Variants in KRAS observed in about 807,000 individuals in gnomAD.
KRAS encodes GTPase KRas.
KRAS carries 1 observed loss-of-function variant against 21.0 expected under a neutral mutation model. The ratio of observed to expected loss-of-function variants is 0.05; its 90% confidence interval spans 0.02 to 0.23. The LOEUF is 0.23. Among genes scored for constraint, KRAS ranks in the 10% least tolerant of loss-of-function variants. KRAS has a pLI of 1.00. For missense variants in KRAS, 107 were observed against 221.8 expected, an observed-to-expected ratio of 0.48 and a Z score of 3.29; for synonymous variants, 67 against 72.5, an observed-to-expected ratio of 0.92 and a Z score of 0.39.
intron 2 of KRAS, among the ~76,000 whole-genome samples, chr12:25,233,269 C>A (rs910311653): frequency 4.6e-5 from 7 of 152,018 alleles, no homozygotes; most frequent in African/African-American, 1.7e-4. Context: ...TAGGTTAGGG[C>A]TAGGCACCAT....
Position 25,245,353 on chromosome 12 carries a change from G to T in KRAS, c.32C>A (p.Ala11Asp). Residue 11 changes from alanine (A) to aspartate (D), a missense_variant, in exon 2 of 5, where the codon GCT becomes GAT. Physicochemically the swap from Ala to Asp is moderately radical, Grantham distance 126 (BLOSUM62 -2). Transcript: ENST00000311936. MTEYKLVVVG[A>D]GGVGKSALTI... ...CAAGGCACTCTTGCCTACGCCACCAGCTCCAACTACCACAAGTTTATATTC... is the reference window on the plus strand; with the variant it reads ...CAAGGCACTCTTGCCTACGCCACCATCTCCAACTACCACAAGTTTATATTC... 6.2e-7 allele frequency: 1 copy of T among 1,612,736 alleles called. No homozygotes were observed. The highest frequency in any genetic ancestry group is 8.5e-7 in the Non-Finnish European group (1 of 1,179,238).
Position 25,217,901 on chromosome 12 carries a change from A to AT in KRAS, c.450+7712dup, listed in dbSNP as rs781130653. ...AGAGCAAGACCCTGTCTCTAAAAAA[A>AT]TTTTTTTAATCGTTTTAAAGTTTAT... On this transcript the variant is annotated intron_variant, in intron 4 of 4. Transcript: ENST00000311936. 1.6e-4 allele frequency among the ~76,000 whole-genome samples: 24 copies of AT among 152,244 alleles called. 1 individual carries two copies. The highest frequency in any genetic ancestry group is 4.8e-4 in the African/African-American group (20 of 41,552).
chr12:25,220,041 G>A (rs1000088508), intron 4 of KRAS, among the ~76,000 whole-genome samples: 3 of 152,160 alleles, frequency 2.0e-5, no homozygotes, highest in Non-Finnish European at 4.4e-5. Flanking sequence ...CAGAAAAGCC[G>A]AATGAGGAGT....
chr12:25,208,986 T>TA lies in KRAS; in HGVS notation c.*808dup, dbSNP rs1314008705. ...TCCTATGAGAATTTTTTATACTTGT[T>TA]AAAATCTTTTCAATTATTATAAAAA... On this transcript the variant is annotated 3_prime_UTR_variant, in exon 5 of 5. Transcript: ENST00000311936. 2 of 340,712 alleles carry TA rather than the reference T, an allele frequency of 5.9e-6. No homozygotes were observed. Among genetic ancestry groups the TA allele is most frequent in the Non-Finnish European group, 1.0e-5 (2 of 190,774 alleles). The allele number at this position is 340,712 out of a possible 1,614,324, so 21.1% of individuals were successfully genotyped here. A position where few individuals can be genotyped will look rare whatever the true frequency, so the allele number is the denominator to read the frequency against.
intron 2 of KRAS, among the ~76,000 whole-genome samples, chr12:25,229,104 T>C (rs990398241): frequency 1.3e-5 from 2 of 152,196 alleles, no homozygotes; most frequent in African/African-American, 4.8e-5. Flanking sequence ...CATGGTAAAC[T>C]TTATGTTATG....
rs1325421577 is a variant in KRAS, at chr12:25,209,816, C to T, written c.546G>A (p.Lys182=). ...KDGKKKKKKS[K]TKCVIM is the part of the protein sequence containing the mutation. ...GTATTTACATAATTACACACTTTGT[C>T]TTTGACTTCTTTTTCTTCTTTTTAC... Residue 182 remains lysine (K), a synonymous_variant, in exon 5 of 5, where the codon AAG becomes AAA. Coordinates refer to ENST00000311936, the MANE Select transcript of KRAS (RefSeq NM_004985.5). 1 of 1,609,414 alleles carries T rather than the reference C, an allele frequency of 6.2e-7. No individual in the cohort carries two copies. Among genetic ancestry groups the T allele is most frequent in the Non-Finnish European group, 8.5e-7 (1 of 1,176,576 alleles).
chr12:25,232,308 A>C (rs1951484470), intron 2 of KRAS, among the ~76,000 whole-genome samples: 1 of 152,240 alleles, frequency 6.6e-6, no homozygotes. Flanking sequence ...TGTTTAAAAA[A>C]ACAAAAACAA....
chr12:25,207,356 A>G lies in KRAS; in HGVS notation c.*2439T>C, dbSNP rs1192904045. 1 of 188,028 alleles carries G rather than the reference A, an allele frequency of 5.3e-6. No individual in the cohort carries two copies. Among genetic ancestry groups the G allele is most frequent in the Non-Finnish European group, 1.1e-5 (1 of 89,400 alleles). 11.6% of individuals were successfully genotyped at this position (188,028 alleles called of 1,614,324 possible). A position where few individuals can be genotyped will look rare whatever the true frequency, so the allele number is the denominator to read the frequency against. On this transcript the variant is annotated 3_prime_UTR_variant, in exon 5 of 5. Coordinates refer to ENST00000311936, the MANE Select transcript of KRAS (RefSeq NM_004985.5). ...GGGTGAAACCCCGTCTCTCCTAAAA[A>G]TACAAAAATTAGTTGAGTGTAGTGG...
chr12:25,215,368 G>T lies in KRAS; in HGVS notation c.451-5457C>A, dbSNP rs778940610. The T allele has an allele frequency of 1.5e-5, 24 of 1,603,034 alleles. No individual in the cohort carries two copies. In the African/African-American group the frequency reaches 2.3e-4, roughly 15 times the overall value. Reference sequence around the variant, plus strand: ...ACTACACCTAAGTAGTTCTAAAGTGGTTGCCACCTTGTTACCTTTAAAAGA... The same window carrying T: ...ACTACACCTAAGTAGTTCTAAAGTGTTTGCCACCTTGTTACCTTTAAAAGA... On this transcript the variant is annotated intron_variant, in intron 4 of 4. Coordinates refer to ENST00000311936, the MANE Select transcript of KRAS (RefSeq NM_004985.5).
At chr12:25,250,545 C>T (rs1951753806) in intron 1 of KRAS, among the ~76,000 whole-genome samples, 2 of 152,140 alleles carry the variant, frequency 1.3e-5, no homozygotes, top group Non-Finnish European at 1.5e-5. Context: ...CCCCGCACCG[C>T]CCATTCCTCA....
chr12:25,225,588 T>G (rs1045900093), intron 4 of KRAS, 26 bp downstream of exon 4: 1 of 1,607,886 alleles, frequency 6.2e-7, no homozygotes, highest in African/African-American at 1.3e-5. Flanking sequence ...AGAAAACAGA[T>G]CTGTATTTAT....
intron 4 of KRAS, chr12:25,215,339 G>GAAT (rs1326806922): frequency 7.3e-6 from 11 of 1,514,752 alleles, no homozygotes; most frequent in Non-Finnish European, 9.9e-6. Flanking sequence ...CTTCAAGTTA[G>GAAT]AATACTACAC....
chr12:25,244,901 A>G (rs1254505891), intron 2 of KRAS, among the ~76,000 whole-genome samples: 1 of 152,222 alleles, frequency 6.6e-6, no homozygotes, highest in Non-Finnish European at 1.5e-5. Context: ...ATATTTCACT[A>G]GTACAATTAA....
chr12:25,215,840 G>A (rs78580012), intron 4 of KRAS, among the ~76,000 whole-genome samples: 1,811 of 152,220 alleles, frequency 0.012, 82 homozygotes, highest in East Asian at 0.08. Context: ...ACAGGTATTA[G>A]CATCTGTTTG....
At chr12:25,231,699 CATAA>C (rs980545656) in intron 2 of KRAS, among the ~76,000 whole-genome samples, 1 of 152,092 alleles carries the variant, frequency 6.6e-6, no homozygotes, top group African/African-American at 2.4e-5. Flanking sequence ...ATAACCTACT[CATAA>C]ATAATACTGT....
chr12:25,243,880 T>C (rs185218830), intron 2 of KRAS, among the ~76,000 whole-genome samples: 7 of 152,362 alleles, frequency 4.6e-5, no homozygotes, highest in Admixed American at 3.3e-4. Context: ...ACAGAGACTA[T>C]TGCATAGGCA....
rs1951441915 is a variant in KRAS, at chr12:25,229,791, T to C, written c.112-2379A>G. 4.0e-5 allele frequency among the ~76,000 whole-genome samples: 6 copies of C among 149,210 alleles called. No homozygotes were observed. In the South Asian group the frequency reaches 1.3e-3, roughly 31 times the overall value. ...GTATCTTTTTTTTTTTTTTTTGAGA[T>C]GGAGTCTCGCTCTGTCGCCCAGGCT... On this transcript the variant is annotated intron_variant, in intron 2 of 4. Transcript: ENST00000311936.
At chr12:25,246,147 C>CAAAAAAAAAAAAAAAAAAAAAAAAAAAAA (rs35617676) in intron 1 of KRAS, among the ~76,000 whole-genome samples, 1 of 84,470 alleles carries the variant, frequency 1.2e-5, no homozygotes, top group Non-Finnish European at 2.3e-5. Flanking sequence ...GACTCCGTCT[C>CAAAAAAAAAAAAAAAAAAAAAAAAAAAAA]AAAAAAAAAA....
At chr12:25,227,536 G>T in intron 2 of KRAS, 124 bp from the exon 3 acceptor site, 1 of 797,616 alleles carries the variant, frequency 1.3e-6, no homozygotes, top group Non-Finnish European at 2.1e-6. Flanking sequence ...AAAAGACATT[G>T]TTCCTGCTCC....
Sources: allele counts gnomAD v4.1 joint callset (sites outside exome capture counted in the v4.1 genomes callset), GRCh38; gene constraint gnomAD v4.1.1; transcripts MANE v1.5; gene names NCBI Gene and HGNC (gene_info 2026-07-23, HGNC 2026-07-21).